The following MYO5B variants were observed in gnomAD, a reference collection of about 807,000 sequenced individuals.
MYO5B encodes the protein myosin VB, also known as unconventional myosin-Vb.
In MYO5B, 143 loss-of-function variants were observed where a neutral mutation model predicts 229.3. The observed-to-expected ratio is 0.62, with a 90% CI of 0.54 to 0.72. The LOEUF is 0.72. MYO5B is among the 30% of genes least tolerant of loss of function. The pLI, the probability that MYO5B is intolerant of heterozygous loss-of-function variation, is 0.00. For missense variants in MYO5B, 2,321 were observed against 2,331.0 expected (o/e 1.00, Z 0.09); for synonymous variants, 918 against 885.2 (o/e 1.04, Z -0.66).
At chr18:49,908,581 C>G (rs1568026846) in intron 18 of MYO5B, among the ~76,000 whole-genome samples, 1 of 152,152 alleles carries the variant, frequency 6.6e-6, no homozygotes, top group Non-Finnish European at 1.5e-5. Context: ...GACACTGTCT[C>G]CTCTACACAG....
At chr18:50,115,471 C>CCAGG (rs2031941683) in intron 1 of MYO5B, among the ~76,000 whole-genome samples, 1 of 151,872 alleles carries the variant, frequency 6.6e-6, no homozygotes, top group Non-Finnish European at 1.5e-5. Context: ...CCTACCAGGG[C>CCAGG]CAGGTCTTGT....
At chr18:49,945,485 G>C (rs1015928468) in intron 14 of MYO5B, among the ~76,000 whole-genome samples, 3 of 151,524 alleles carry the variant, frequency 2.0e-5, no homozygotes, top group African/African-American at 7.3e-5. Flanking sequence ...AGCTGGAGCT[G>C]CTGCTCCAGC....
chr18:50,108,167 C>T (rs1485204431), intron 1 of MYO5B, among the ~76,000 whole-genome samples: 1 of 152,178 alleles, frequency 6.6e-6, no homozygotes, highest in Non-Finnish European at 1.5e-5. Flanking sequence ...CCTGGCCTCC[C>T]AAAGTGCTGG....
At chr18:50,075,503 C>T (rs556701955) in intron 1 of MYO5B, among the ~76,000 whole-genome samples, 1 of 152,116 alleles carries the variant, frequency 6.6e-6, no homozygotes, top group Non-Finnish European at 1.5e-5. Flanking sequence ...AACATGAATA[C>T]CCTCATTTCT....
chr18:49,982,492 T>G (rs1202624813), intron 8 of MYO5B, among the ~76,000 whole-genome samples: 1 of 152,172 alleles, frequency 6.6e-6, no homozygotes, highest in Non-Finnish European at 1.5e-5. Context: ...CGCACTACAT[T>G]GATGAGAACA....
intron 1 of MYO5B, among the ~76,000 whole-genome samples, chr18:50,185,010 G>A (rs958527629): frequency 3.3e-5 from 5 of 151,936 alleles, no homozygotes; most frequent in Admixed American, 6.6e-5. Context: ...AGGAGATTGA[G>A]GCTGTAGTGA....
chr18:49,845,116 G>A (rs1348532030), intron 33 of MYO5B, among the ~76,000 whole-genome samples: 1 of 152,194 alleles, frequency 6.6e-6, no homozygotes, highest in Non-Finnish European at 1.5e-5. Flanking sequence ...GCAAATGGCA[G>A]GAGGGAGCCA....
chr18:49,932,506 G>T (rs1353989275), intron 16 of MYO5B, among the ~76,000 whole-genome samples: 5 of 152,072 alleles, frequency 3.3e-5, no homozygotes, highest in Non-Finnish European at 5.9e-5. Flanking sequence ...CTGTGGTCTG[G>T]GGCAAAGAAC....
intron 1 of MYO5B, among the ~76,000 whole-genome samples, chr18:50,156,941 A>G (rs900760153): frequency 1.3e-5 from 2 of 152,126 alleles, no homozygotes; most frequent in Admixed American, 6.6e-5. Context: ...ATCATCTCTT[A>G]CCTGAGCCAC....
At chr18:50,108,636 A>AC (rs772253926) in intron 1 of MYO5B, among the ~76,000 whole-genome samples, 4 of 152,136 alleles carry the variant, frequency 2.6e-5, no homozygotes, top group Non-Finnish European at 4.4e-5. Context: ...ATGCAGATGG[A>AC]CCCCCGACAA....
intron 1 of MYO5B, among the ~76,000 whole-genome samples, chr18:50,077,502 A>C (rs12959180): frequency 2.0e-3 from 271 of 133,382 alleles, no homozygotes; most frequent in Middle Eastern, 7.6e-3. Context: ...CACACACACA[A>C]ACACACACAC....
intron 2 of MYO5B, 43 bp downstream of exon 2, chr18:50,055,225 G>GGGGCCCCCCCCCCC: frequency 1.4e-6 from 1 of 700,374 alleles, no homozygotes; most frequent in Non-Finnish European, 2.7e-6. Context: ...TGAGCTCCCT[G>GGGGCCCCCCCCCCC]CCCCACCTCA....
At position 50,066,297 on chromosome 18, in the gene MYO5B, C is replaced by G. The variant is rs574547523; in HGVS notation, c.28-10919G>C. Among the ~76,000 whole-genome samples the G allele has an allele frequency of 5.3e-5, 8 of 152,276 alleles. No homozygotes were observed. The South Asian group carries it at 1.7e-3, about 32-fold the overall frequency. On this transcript the variant is annotated intron_variant, in intron 1 of 39. Transcript: ENST00000285039. ...TGGACATCATTTGTCCTACCACTAT[C>G]CCCATACAAACTGTCTTTGAAACTC...
chr18:49,871,809 C>T (rs1176466969), intron 27 of MYO5B: 4 of 336,236 alleles, frequency 1.2e-5, no homozygotes, highest in East Asian at 7.1e-5. Context: ...ACCCACTCAC[C>T]TCCCACTGTT....
intron 21 of MYO5B, among the ~76,000 whole-genome samples, chr18:49,901,048 T>C (rs2024835852): frequency 6.6e-6 from 1 of 152,204 alleles, no homozygotes; most frequent in Admixed American, 6.5e-5. Flanking sequence ...TCTCACAAAA[T>C]TGTATGAAGA....
At position 49,858,098 on chromosome 18, in the gene MYO5B, T is replaced by C. The variant is rs79030204; in HGVS notation, c.3945-1208A>G. ...AAGGCCCCCCACCATCTGAAGGGAC[T>C]TCCTCCTCAGCCAGGGCTCTTTTAA... On this transcript the variant is annotated intron_variant, in intron 29 of 39. Transcript: ENST00000285039. Among the ~76,000 whole-genome samples, 306 of 152,288 alleles carry C rather than the reference T, an allele frequency of 2.0e-3. 2 individuals are homozygous for C. The highest frequency in any genetic ancestry group is 7.2e-3 in the African/African-American group (299 of 41,572).
intron 16 of MYO5B, among the ~76,000 whole-genome samples, chr18:49,935,922 C>G (rs2025244282): frequency 6.6e-6 from 1 of 152,230 alleles, no homozygotes; most frequent in Non-Finnish European, 1.5e-5. Context: ...CTGACCACTC[C>G]AGCAACCTTT....
intron 27 of MYO5B, among the ~76,000 whole-genome samples, chr18:49,866,968 G>A (rs558464038): frequency 5.9e-5 from 9 of 152,144 alleles, no homozygotes; most frequent in Non-Finnish European, 1.2e-4. Flanking sequence ...AGGCCTCCAG[G>A]TACAAAGGCC....
chr18:49,836,619 C>T (rs908460798), intron 38 of MYO5B, 92 bp downstream of exon 38: 26 of 1,462,594 alleles, frequency 1.8e-5, no homozygotes, highest in Non-Finnish European at 2.3e-5. Context: ...GGGAGTGCAA[C>T]ACTAACAAAT....
Sources: gnomAD v4.1 joint callset for allele counts (sites outside exome capture counted in the v4.1 genomes callset) on GRCh38, gnomAD v4.1.1 for gene constraint, MANE v1.5 for transcripts, NCBI Gene and HGNC (gene_info 2026-07-23, HGNC 2026-07-21) for gene names.